CDH12: variants seen among roughly 807,000 people sequenced by gnomAD.
CDH12 encodes the protein cadherin-12.
In CDH12, 41 loss-of-function variants were observed where a neutral mutation model predicts 74.1. The observed-to-expected ratio is 0.55, with a 90% CI of 0.43 to 0.72. The LOEUF (loss-of-function observed/expected upper bound fraction) is 0.72, where lower values mean the gene tolerates loss of function less well. CDH12 is among the 30% of genes least tolerant of loss of function. The pLI, the probability that CDH12 is intolerant of heterozygous loss-of-function variation, is 0.00. For missense variants in CDH12, 945 were observed against 977.2 expected, an observed-to-expected ratio of 0.97 and a Z score of 0.44; for synonymous variants, 399 against 355.0, an observed-to-expected ratio of 1.12 and a Z score of -1.39.
chr5:22,715,703 A>G (rs1426590708), intron 1 of CDH12, among the ~76,000 whole-genome samples: 1 of 151,644 alleles, frequency 6.6e-6, no homozygotes, highest in Non-Finnish European at 1.5e-5. Flanking sequence ...CAGGAGGCTG[A>G]GGCAGGAGAA....
chr5:22,703,913 C>T (rs535802465), intron 1 of CDH12, among the ~76,000 whole-genome samples: 3 of 152,026 alleles, frequency 2.0e-5, no homozygotes, highest in Non-Finnish European at 4.4e-5. Flanking sequence ...TATTAAAACT[C>T]TTGGACAAAT....
chr5:21,932,281 A>G (rs1754876171), intron 6 of CDH12, among the ~76,000 whole-genome samples: 1 of 152,236 alleles, frequency 6.6e-6, no homozygotes, highest in African/African-American at 2.4e-5. Context: ...TAAAAAATTA[A>G]TTAGTAGCAA....
intron 2 of CDH12, among the ~76,000 whole-genome samples, chr5:22,446,938 G>A (rs1289941809): frequency 2.6e-5 from 4 of 152,058 alleles, no homozygotes; most frequent in African/African-American, 9.7e-5. Flanking sequence ...CTACTCCTAA[G>A]ATGAGATACA....
chr5:22,800,541 A>C (rs1748457895), intron 1 of CDH12, among the ~76,000 whole-genome samples: 1 of 152,144 alleles, frequency 6.6e-6, no homozygotes, highest in African/African-American at 2.4e-5. Context: ...CAATTGATGA[A>C]CTGCATTGAC....
rs1561586112 is a variant in CDH12, at chr5:22,698,731, A to AG, written c.-523+154326_-523+154327insC. On this transcript the variant is annotated intron_variant, in intron 1 of 14. Coordinates refer to ENST00000382254, the MANE Select transcript of CDH12 (RefSeq NM_004061.5). ...TATATATATATATATATATATATAT[A>AG]TATAGTGTGTGTGTGTGTGTGTGTG... Among the ~76,000 whole-genome samples, 26 of 6,876 alleles carry AG rather than the reference A, an allele frequency of 3.8e-3. 2 individuals carry two copies. Among genetic ancestry groups the AG allele is most frequent in the East Asian group, 7.1e-3 (1 of 140 alleles). 4.5% of individuals were successfully genotyped at this position (6,876 alleles called of 152,430 possible). A position where few individuals can be genotyped will look rare whatever the true frequency, so the allele number is the denominator to read the frequency against.
intron 3 of CDH12, among the ~76,000 whole-genome samples, chr5:22,384,497 G>A (rs1444704984): frequency 2.4e-4 from 30 of 126,388 alleles, no homozygotes; most frequent in East Asian, 9.3e-4. Context: ...CTGCACTCCC[G>A]CCTGGGCCAC....
At chr5:21,955,670 T>C (rs1273194615) in intron 6 of CDH12, among the ~76,000 whole-genome samples, 1 of 152,074 alleles carries the variant, frequency 6.6e-6, no homozygotes, top group African/African-American at 2.4e-5. Flanking sequence ...TAGCATATGT[T>C]GTCTTCTTAA....
At chr5:22,603,870 T>C (rs544302056) in intron 1 of CDH12, among the ~76,000 whole-genome samples, 1 of 152,206 alleles carries the variant, frequency 6.6e-6, no homozygotes, top group East Asian at 1.9e-4. Flanking sequence ...AGAATTGAAT[T>C]GTTGGTCCAA....
intron 2 of CDH12, among the ~76,000 whole-genome samples, chr5:22,472,162 C>G (rs545300804): frequency 8.2e-4 from 124 of 152,072 alleles, no homozygotes; most frequent in Non-Finnish European, 8.5e-4. Flanking sequence ...TGGGAGTATT[C>G]TTCCTAAATT....
intron 3 of CDH12, among the ~76,000 whole-genome samples, chr5:22,228,635 GTA>G (rs1752276434): frequency 6.6e-6 from 1 of 152,206 alleles, no homozygotes; most frequent in South Asian, 2.1e-4. Flanking sequence ...CAAGTAGTAT[GTA>G]TTTTTCTCAT....
chr5:22,713,585 CGTAA>C (rs144413064), intron 1 of CDH12, among the ~76,000 whole-genome samples: 41,831 of 151,512 alleles, frequency 0.28, 5,849 homozygotes, highest in South Asian at 0.31. Flanking sequence ...ATACACACTG[CGTAA>C]GTGTTTTCAA....
chr5:21,838,169 A>G (rs111787643), intron 8 of CDH12, among the ~76,000 whole-genome samples: 105 of 152,354 alleles, frequency 6.9e-4, no homozygotes, highest in African/African-American at 2.5e-3. Flanking sequence ...GTTTCTTAAC[A>G]GTAATATGTG....
chr5:22,078,720 T>C lies in CDH12; in HGVS notation c.-44A>G. 1 of 1,600,240 alleles carries C rather than the reference T, an allele frequency of 6.2e-7. No individual in the cohort carries two copies. Among genetic ancestry groups the C allele is most frequent in the South Asian group, 1.1e-5 (1 of 89,778 alleles). On this transcript the variant is annotated 5_prime_UTR_variant, in exon 5 of 15. Transcript: ENST00000382254. The stretch of plus-strand genomic sequence containing the variant: ...AGCAGAGTAATAAAAACTCCAACAC[T>C]TAACGTAGAATTGTGGAATCCAGGT...
At chr5:22,471,584 C>G (rs902305756) in intron 2 of CDH12, among the ~76,000 whole-genome samples, 2 of 152,140 alleles carry the variant, frequency 1.3e-5, no homozygotes, top group Non-Finnish European at 2.9e-5. Context: ...GGGGAAAAAA[C>G]TGTATCTTCT....
intron 1 of CDH12, among the ~76,000 whole-genome samples, chr5:22,833,363 A>C (rs1393626883): frequency 6.6e-6 from 1 of 152,190 alleles, no homozygotes; most frequent in Non-Finnish European, 1.5e-5. Flanking sequence ...AGATTCAGTG[A>C]AGATGCCTTA....
At chr5:22,824,615 C>A (rs1355965598) in intron 1 of CDH12, among the ~76,000 whole-genome samples, 1 of 151,778 alleles carries the variant, frequency 6.6e-6, no homozygotes, top group East Asian at 1.9e-4. Context: ...ATTAAATAGT[C>A]AGGGATTTTT....
intron 1 of CDH12, among the ~76,000 whole-genome samples, chr5:22,583,630 A>G (rs1580788051): frequency 6.6e-6 from 1 of 152,320 alleles, no homozygotes; most frequent in East Asian, 1.9e-4. Context: ...GAGATAATGT[A>G]AAACAAAAGT....
At chr5:22,097,727 C>T (rs1205371080) in intron 4 of CDH12, among the ~76,000 whole-genome samples, 1 of 152,056 alleles carries the variant, frequency 6.6e-6, no homozygotes, top group South Asian at 2.1e-4. Context: ...CCACCTAAAC[C>T]CACAAGTATA....
intron 4 of CDH12, chr5:22,142,555 A>C: frequency 1.3e-6 from 1 of 764,980 alleles, no homozygotes; most frequent in East Asian, 4.0e-5. Context: ...ACTCAGCTAA[A>C]TTTCCTGTAG....
Sources: allele counts gnomAD v4.1 joint callset (sites outside exome capture counted in the v4.1 genomes callset), GRCh38; gene constraint gnomAD v4.1.1; transcripts MANE v1.5; gene names NCBI Gene and HGNC (gene_info 2026-07-23, HGNC 2026-07-21).